MMP26: variants seen among roughly 807,000 people sequenced by gnomAD.
MMP26 encodes the protein matrix metallopeptidase 26.
Under a neutral mutation model 31.0 loss-of-function variants are expected in MMP26, and 33 were observed. The ratio of observed to expected loss-of-function variants is 1.06; its 90% CI spans 0.81 to 1.42. MMP26 has a LOEUF of 1.42. Among genes scored for constraint, MMP26 ranks in the 40% most tolerant of loss-of-function variants. The pLI is 0.00. For missense variants in MMP26, 347 were observed against 316.1 expected, an observed-to-expected ratio of 1.10 and a Z score of -0.74; for synonymous variants, 122 against 114.9, an observed-to-expected ratio of 1.06 and a Z score of -0.40.
intron 2 of MMP26, among the ~76,000 whole-genome samples, chr11:4,802,711 T>C (rs1403585171): frequency 6.6e-6 from 1 of 152,200 alleles, no homozygotes; most frequent in Non-Finnish European, 1.5e-5. Flanking sequence ...CAAGCAGCTA[T>C]TTTTTATCAT....
chr11:4,841,875 G>A lies in MMP26; in HGVS notation c.-145+74534G>A, dbSNP rs567391079. Among the ~76,000 whole-genome samples the A allele has an allele frequency of 9.0e-4, 137 of 152,324 alleles. 1 individual carries two copies. The highest frequency in any genetic ancestry group is 7.3e-3 in the South Asian group (35 of 4,826). ...TTGAACCTCAGTGGCAGAGGTTGTG[G>A]TGAGCCAAGATCACGCCACTGCACT... On this transcript the variant is annotated intron_variant, in intron 2 of 7. Transcript: ENST00000380390.
chr11:4,923,069 G>T (rs1182418496), intron 2 of MMP26, among the ~76,000 whole-genome samples: 1 of 152,114 alleles, frequency 6.6e-6, no homozygotes, highest in African/African-American at 2.4e-5. Flanking sequence ...CAATCATAAT[G>T]GTTAATATTT....
intron 1 of MMP26, among the ~76,000 whole-genome samples, chr11:4,739,776 G>T (rs1005171839): frequency 6.6e-6 from 1 of 151,956 alleles, no homozygotes; most frequent in African/African-American, 2.4e-5. Flanking sequence ...ATAGGCCACT[G>T]AGAAGCTGGC....
intron 2 of MMP26, among the ~76,000 whole-genome samples, chr11:4,904,828 A>G (rs1187172570): frequency 6.6e-6 from 1 of 152,150 alleles, no homozygotes; most frequent in Non-Finnish European, 1.5e-5. Context: ...TTTATTCTTT[A>G]CATATTTGCT....
chr11:4,957,819 C>G (rs539901953), intron 2 of MMP26, among the ~76,000 whole-genome samples: 2 of 152,192 alleles, frequency 1.3e-5, no homozygotes, highest in Non-Finnish European at 2.9e-5. Context: ...GCTGGGACTA[C>G]AGGTGTGAGC....
At chr11:4,718,835 T>G (rs1045290609) in intron 1 of MMP26, 4 of 159,958 alleles carry the variant, frequency 2.5e-5, no homozygotes, top group African/African-American at 9.6e-5. Context: ...GACCTCGGCC[T>G]GTCCATATCC....
chr11:4,729,628 G>A (rs935846148), intron 1 of MMP26, among the ~76,000 whole-genome samples: 1 of 152,046 alleles, frequency 6.6e-6, no homozygotes, highest in East Asian at 1.9e-4. Flanking sequence ...GGAAATAAAC[G>A]GATTTGAGGG....
At chr11:4,907,889 CT>C in intron 2 of MMP26, 4 of 1,614,044 alleles carry the variant, frequency 2.5e-6, no homozygotes, top group Non-Finnish European at 3.4e-6. Flanking sequence ...AAAGAATCTT[CT>C]TTCTCACTCA....
chr11:4,991,510 T>C lies in MMP26; in HGVS notation c.595+14T>C, dbSNP rs773141469. On this transcript the variant is annotated intron_variant, in intron 6 of 7. Coordinates refer to ENST00000380390, the MANE Select transcript of MMP26 (RefSeq NM_021801.5). ...CTTCAGACACTGGTAAATGCCTTGT[T>C]TGGTGGGATCGCTAGAACTCTCTGG... 5.6e-6 allele frequency: 9 copies of C among 1,611,866 alleles called. No individual in the cohort carries two copies. Among genetic ancestry groups the C allele is most frequent in the African/African-American group, 1.3e-5 (1 of 75,006 alleles).
chr11:4,815,689 A>G (rs936608108), intron 2 of MMP26, among the ~76,000 whole-genome samples: 4 of 152,224 alleles, frequency 2.6e-5, no homozygotes, highest in Non-Finnish European at 2.9e-5. Context: ...GGTATACAGT[A>G]AAGTTCAACA....
chr11:4,843,930 G>C (rs1849831845), intron 2 of MMP26, among the ~76,000 whole-genome samples: 1 of 152,036 alleles, frequency 6.6e-6, no homozygotes, highest in Non-Finnish European at 1.5e-5. Context: ...GATCAGAGCA[G>C]AAATAAATAA....
At chr11:4,738,797 C>T (rs924885350) in intron 1 of MMP26, among the ~76,000 whole-genome samples, 1 of 151,896 alleles carries the variant, frequency 6.6e-6, no homozygotes, top group Non-Finnish European at 1.5e-5. Context: ...ATTAAACTAA[C>T]CTGCCTTAAG....
At chr11:4,938,424 A>G (rs974596004) in intron 2 of MMP26, 3 of 151,964 alleles carry the variant, frequency 2.0e-5, no homozygotes, top group African/African-American at 7.2e-5. Flanking sequence ...CTTAATGTCA[A>G]ACATCTACGT....
intron 2 of MMP26, among the ~76,000 whole-genome samples, chr11:4,786,041 G>A (rs1231108197): frequency 6.6e-6 from 1 of 152,040 alleles, no homozygotes; most frequent in Non-Finnish European, 1.5e-5. Context: ...CAATCTTGAT[G>A]GACCTGGGGA....
At chr11:4,720,142 G>A (rs995369436) in intron 1 of MMP26, among the ~76,000 whole-genome samples, 3 of 152,042 alleles carry the variant, frequency 2.0e-5, no homozygotes, top group African/African-American at 2.4e-5. Context: ...GTCAGTAACC[G>A]AACTGTATTT....
At chr11:4,752,921 T>C (rs1848464572) in intron 1 of MMP26, 1 of 152,180 alleles carries the variant, frequency 6.6e-6, no homozygotes, top group South Asian at 2.1e-4. Flanking sequence ...CCCATTCAAG[T>C]CCAGGGATCC....
chr11:4,888,111 A>G (rs1850568468), intron 2 of MMP26, among the ~76,000 whole-genome samples: 1 of 152,168 alleles, frequency 6.6e-6, no homozygotes, highest in African/African-American at 2.4e-5. Flanking sequence ...AACAGTAATT[A>G]CTTGTGAGCT....
intron 2 of MMP26, among the ~76,000 whole-genome samples, chr11:4,940,054 A>C (rs1368753880): frequency 6.6e-6 from 1 of 151,510 alleles, no homozygotes; most frequent in Non-Finnish European, 1.5e-5. Flanking sequence ...TAGGACAAAC[A>C]CCCCCAAATG....
intron 2 of MMP26, among the ~76,000 whole-genome samples, chr11:4,964,211 C>T (rs1338549604): frequency 6.6e-6 from 1 of 152,052 alleles, no homozygotes; most frequent in East Asian, 1.9e-4. Flanking sequence ...ATGGTATTGC[C>T]TAGGTTTTCT....
Sources: gnomAD v4.1 joint callset for allele counts (sites outside exome capture counted in the v4.1 genomes callset) on GRCh38, gnomAD v4.1.1 for gene constraint, MANE v1.5 for transcripts, NCBI Gene and HGNC (gene_info 2026-07-23, HGNC 2026-07-21) for gene names.